LGR6: variants seen among roughly 807,000 people sequenced by gnomAD.
LGR6 encodes the protein leucine rich repeat containing G protein-coupled receptor 6, also known as leucine-rich repeat-containing G protein-coupled receptor 6.
LGR6 carries 45 observed loss-of-function variants against 69.4 expected under a neutral mutation model. The observed-to-expected ratio is 0.65, with a 90% CI of 0.51 to 0.83. The LOEUF is 0.83. Among genes scored for constraint, LGR6 ranks in the 40% least tolerant of loss-of-function variants. The pLI, the probability that LGR6 is intolerant of heterozygous loss-of-function variation, is 0.00. For missense variants in LGR6, 1,108 were observed against 1,246.7 expected, an observed-to-expected ratio of 0.89 and a Z score of 1.68; for synonymous variants, 538 against 555.0, an observed-to-expected ratio of 0.97 and a Z score of 0.43.
intron 4 of LGR6, among the ~76,000 whole-genome samples, chr1:202,258,429 TCTC>T (rs1663959378): frequency 1.3e-5 from 2 of 152,048 alleles, no homozygotes. Flanking sequence ...AATATAGTCT[TCTC>T]CTACAAGATT....
At chr1:202,233,891 G>C (rs1661302457) in intron 3 of LGR6, among the ~76,000 whole-genome samples, 1 of 152,178 alleles carries the variant, frequency 6.6e-6, no homozygotes, top group Admixed American at 6.5e-5. Context: ...AAGGCCCGCG[G>C]TTCTTAAGTA....
At chr1:202,205,267 A>C (rs1270100190) in intron 1 of LGR6, among the ~76,000 whole-genome samples, 6 of 3,980 alleles carry the variant, frequency 1.5e-3, no homozygotes, top group Admixed American at 3.2e-3. Context: ...CACACCTCCA[A>C]ACACACACAC....
intron 4 of LGR6, among the ~76,000 whole-genome samples, chr1:202,253,895 T>G (rs1231453465): frequency 2.4e-5 from 3 of 123,782 alleles, no homozygotes; most frequent in Admixed American, 9.9e-5. Flanking sequence ...AAGCTCCGCC[T>G]CCCGGGTTCA....
In LGR6 at chr1:202,309,764, G is replaced by A. The variant is rs555311246; in HGVS notation, c.1407-433G>A. Among the ~76,000 whole-genome samples the A allele has an allele frequency of 2.6e-5, 4 of 152,350 alleles. No individual in the cohort carries two copies. In the East Asian group the frequency reaches 7.7e-4, roughly 29 times the overall value. ...AGAGGTGGGGGAGGGATAGGGTGCAGGTCTCACTGAGGGCCAGAGTGAAGA... is the reference window on the plus strand; with the variant it reads ...AGAGGTGGGGGAGGGATAGGGTGCAAGTCTCACTGAGGGCCAGAGTGAAGA... On this transcript the variant is annotated intron_variant, in intron 15 of 17. Coordinates refer to ENST00000367278, the MANE Select transcript of LGR6 (RefSeq NM_001017403.2).
chr1:202,207,991 C>T (rs1423317774), intron 1 of LGR6, among the ~76,000 whole-genome samples: 2 of 152,182 alleles, frequency 1.3e-5, no homozygotes, highest in Admixed American at 6.5e-5. Flanking sequence ...CCCAAGTGAG[C>T]GCCTGGACTT....
At position 202,305,606 on chromosome 1, in the gene LGR6, G is replaced by T. The variant is rs548910421; in HGVS notation, c.1071-78G>T. The T allele has an allele frequency of 2.4e-6, 3 of 1,270,566 alleles. No individual in the cohort carries two copies. The African/African-American group carries it at 4.4e-5, about 19-fold the overall frequency. 78.7% of individuals were successfully genotyped at this position (1,270,566 alleles called of 1,614,324 possible). A position where few individuals can be genotyped will look rare whatever the true frequency, so the allele number is the denominator to read the frequency against. ...CTAATTGACAGGAAAGCACAGTCCTGGCTAGAGCCCCCCGTCCCCGAGCAG... is the reference window on the plus strand; with the variant it reads ...CTAATTGACAGGAAAGCACAGTCCTTGCTAGAGCCCCCCGTCCCCGAGCAG... On this transcript the variant is annotated intron_variant, in intron 11 of 17. Transcript: ENST00000367278.
chr1:202,217,609 C>T (rs149965978), intron 1 of LGR6, among the ~76,000 whole-genome samples: 5 of 152,262 alleles, frequency 3.3e-5, no homozygotes, highest in African/African-American at 9.6e-5. Flanking sequence ...TCAGTCTGAC[C>T]TGCACAAGGT....
At chr1:202,201,979 G>A (rs1033371861) in intron 1 of LGR6, among the ~76,000 whole-genome samples, 2 of 152,214 alleles carry the variant, frequency 1.3e-5, no homozygotes, top group Non-Finnish European at 2.9e-5. Context: ...CACGTGAGAA[G>A]TGAACTCACT....
At chr1:202,203,973 C>A in intron 1 of LGR6, 1 of 842,028 alleles carries the variant, frequency 1.2e-6, no homozygotes, top group South Asian at 1.4e-5. Context: ...GTATTATGTT[C>A]ACTATGTCTT....
At chr1:202,207,484 A>G (rs1308884920) in intron 1 of LGR6, among the ~76,000 whole-genome samples, 3 of 152,170 alleles carry the variant, frequency 2.0e-5, no homozygotes, top group African/African-American at 7.2e-5. Context: ...CCAGAGTCTC[A>G]GTGTTTCTGG....
chr1:202,309,140 C>G lies in LGR6; in HGVS notation c.1370C>G (p.Ser457Cys). 1 of 1,614,168 alleles carries G rather than the reference C, an allele frequency of 6.2e-7. No homozygotes were observed. The highest frequency in any genetic ancestry group is 8.5e-7 in the Non-Finnish European group (1 of 1,180,012). The change falls in exon 15 of 18, where the codon TCC (serine) becomes TGC (cysteine). Residue 457 changes from serine to cysteine, a missense_variant. Ser to Cys is a moderately radical substitution (Grantham distance 112, BLOSUM62 -1). Coordinates refer to ENST00000367278, the MANE Select transcript of LGR6 (RefSeq NM_001017403.2). ...HLKLKGNLAL[S>C]QAFSKDSFPK... ...AAGCTCAAAGGGAACCTTGCTCTCTCCCAGGCCTTCTCCAAGGACAGTTTC... is the reference window on the plus strand; with the variant it reads ...AAGCTCAAAGGGAACCTTGCTCTCTGCCAGGCCTTCTCCAAGGACAGTTTC...
chr1:202,229,823 G>T (rs1192813550), intron 3 of LGR6, among the ~76,000 whole-genome samples: 1 of 152,174 alleles, frequency 6.6e-6, no homozygotes, highest in Non-Finnish European at 1.5e-5. Flanking sequence ...TCAGTCCTTG[G>T]CCTACAGAAC....
chr1:202,240,842 T>C (rs971874082), intron 4 of LGR6, among the ~76,000 whole-genome samples: 3 of 152,216 alleles, frequency 2.0e-5, no homozygotes, highest in Non-Finnish European at 4.4e-5. Flanking sequence ...TCCATACCTC[T>C]GACCTTCCTC....
At chr1:202,214,318 A>T in intron 1 of LGR6, 1 of 1,323,866 alleles carries the variant, frequency 7.6e-7, no homozygotes. Flanking sequence ...CCAGAAACCG[A>T]CGCGACGGGT....
chr1:202,203,964 T>C (rs1208572467), intron 1 of LGR6: 5 of 896,010 alleles, frequency 5.6e-6, no homozygotes, highest in Non-Finnish European at 9.4e-6. Context: ...TACCAGGTAG[T>C]ATTATGTTCA....
intron 7 of LGR6, among the ~76,000 whole-genome samples, chr1:202,299,661 T>G (rs1344841265): frequency 6.6e-6 from 1 of 152,054 alleles, no homozygotes; most frequent in East Asian, 1.9e-4. Flanking sequence ...GAGGAATAAA[T>G]TAATGAACAA....
At chr1:202,196,892 G>T (rs960144789) in intron 1 of LGR6, 4 of 401,858 alleles carry the variant, frequency 1.0e-5, no homozygotes, top group African/African-American at 8.4e-5. Context: ...TCAATACTTG[G>T]CTGGTTCTGG....
At position 202,246,019 on chromosome 1, in the gene LGR6, GTCCC is replaced by G. The variant is rs375626357; in HGVS notation, c.428+10042_428+10045del. 1.5e-3 allele frequency among the ~76,000 whole-genome samples: 67 copies of G among 44,848 alleles called. No individual in the cohort carries two copies. The South Asian group carries it at 0.024, about 16-fold the overall frequency. The allele number at this position is 44,848 out of a possible 152,430, so 29.4% of individuals were successfully genotyped here. A position where few individuals can be genotyped will look rare whatever the true frequency, so the allele number is the denominator to read the frequency against. On this transcript the variant is annotated intron_variant, in intron 4 of 17. Transcript: ENST00000367278. ...CCATCCCCCATCCCTCCTTCCCTCT[GTCCC>G]TCCCTCCCTCCCTCCATCCATCCAT...
chr1:202,248,233 A>G (rs751589407), intron 4 of LGR6, among the ~76,000 whole-genome samples: 6 of 152,192 alleles, frequency 3.9e-5, no homozygotes, highest in Non-Finnish European at 7.3e-5. Flanking sequence ...ACTAAGTCCA[A>G]CTGACTCTTT....
Sources: gnomAD v4.1 joint callset for allele counts (sites outside exome capture counted in the v4.1 genomes callset) on GRCh38, gnomAD v4.1.1 for gene constraint, MANE v1.5 for transcripts, NCBI Gene and HGNC (gene_info 2026-07-23, HGNC 2026-07-21) for gene names.